BMPR1B: variants seen among roughly 807,000 people sequenced by gnomAD.
BMPR1B encodes the protein bone morphogenetic protein receptor type 1B, also known as bone morphogenetic protein receptor type-1B.
A neutral mutation model predicts 59.1 loss-of-function variants in BMPR1B; 12 were observed. The ratio of observed to expected loss-of-function variants is 0.20; its 90% CI spans 0.13 to 0.33. The LOEUF is 0.33. BMPR1B is among the 10% of genes least tolerant of loss of function. The probability of loss-of-function intolerance (pLI) is 1.00; values close to 1 mark genes in which losing one functional copy is unlikely to be tolerated. For synonymous variants in BMPR1B, 237 were observed against 207.3 expected (o/e 1.14, Z -1.23); for missense variants, 550 against 610.9 (o/e 0.90, Z 1.05).
intron 10 of BMPR1B, among the ~76,000 whole-genome samples, chr4:95,139,431 CTT>C (rs1245157667): frequency 6.6e-6 from 1 of 152,200 alleles, no homozygotes; most frequent in Non-Finnish European, 1.5e-5. Flanking sequence ...AACCACTACT[CTT>C]TTCAAAGCTG....
intron 1 of BMPR1B, among the ~76,000 whole-genome samples, chr4:94,837,575 A>G (rs1233532263): frequency 7.0e-6 from 1 of 143,840 alleles, no homozygotes; most frequent in Non-Finnish European, 1.5e-5. Flanking sequence ...TTGTTGGTGT[A>G]TAAGAATGCT....
chr4:94,926,793 T>G (rs1200905825), intron 2 of BMPR1B, among the ~76,000 whole-genome samples: 1 of 152,094 alleles, frequency 6.6e-6, no homozygotes, highest in African/African-American at 2.4e-5. Context: ...TCAATGGTAT[T>G]CATAGGTGAA....
chr4:94,782,900 A>G (rs1247381162), intron 1 of BMPR1B, among the ~76,000 whole-genome samples: 1 of 152,078 alleles, frequency 6.6e-6, no homozygotes, highest in Non-Finnish European at 1.5e-5. Context: ...TGGACATTTT[A>G]GGCAATATAT....
chr4:94,904,507 T>C (rs549543592), intron 2 of BMPR1B, among the ~76,000 whole-genome samples: 1 of 152,076 alleles, frequency 6.6e-6, no homozygotes, highest in Non-Finnish European at 1.5e-5. Context: ...ATGGCATTGC[T>C]TTTGCAGTAA....
At chr4:94,968,320 T>C (rs577750022) in intron 2 of BMPR1B, among the ~76,000 whole-genome samples, 27 of 150,278 alleles carry the variant, frequency 1.8e-4, no homozygotes, top group African/African-American at 5.9e-4. Context: ...ATTGCTCAGC[T>C]CTGGGATGTG....
At chr4:95,071,622 A>G (rs1306399149) in intron 3 of BMPR1B, among the ~76,000 whole-genome samples, 2 of 130,612 alleles carry the variant, frequency 1.5e-5, no homozygotes, top group East Asian at 2.3e-4. Context: ...TTATGAATAT[A>G]TATGTGTGTT....
At chr4:95,058,608 C>T (rs1052993552) in intron 3 of BMPR1B, among the ~76,000 whole-genome samples, 1 of 152,120 alleles carries the variant, frequency 6.6e-6, no homozygotes, top group Non-Finnish European at 1.5e-5. Context: ...TCAATACAAG[C>T]TATGCCAAGG....
intron 3 of BMPR1B, among the ~76,000 whole-genome samples, chr4:95,026,098 A>ATTTCTTTCTTTTC (rs1724342718): frequency 8.9e-5 from 9 of 101,622 alleles, no homozygotes; most frequent in South Asian, 3.8e-4. Flanking sequence ...GCTTTCTTTC[A>ATTTCTTTCTTTTC]TTTCTTTCTT....
rs147647331 is a variant in BMPR1B at position 94,870,023 on chromosome 4, A to G, written c.-182-5808A>G. On this transcript the variant is annotated intron_variant, in intron 1 of 12. Coordinates refer to ENST00000515059, the MANE Select transcript of BMPR1B (RefSeq NM_001203.3). Reference sequence around the variant, plus strand: ...AATCTGTGTAGTCAGTAGATTTACAAAGTTATATTAGAGAAGAAGTTGCAA... The same window carrying G: ...AATCTGTGTAGTCAGTAGATTTACAGAGTTATATTAGAGAAGAAGTTGCAA... 3.6e-3 allele frequency among the ~76,000 whole-genome samples: 544 copies of G among 152,320 alleles called. 4 individuals carry two copies. Among genetic ancestry groups the G allele is most frequent in the African/African-American group, 0.013 (523 of 41,576 alleles).
At chr4:94,880,580 C>T (rs1038141092) in intron 2 of BMPR1B, among the ~76,000 whole-genome samples, 1 of 151,824 alleles carries the variant, frequency 6.6e-6, no homozygotes. Flanking sequence ...CTGCCTTGGC[C>T]TCCTGAAGTA....
At position 94,941,837 on chromosome 4, in the gene BMPR1B, T is replaced by C. The variant is rs77731989; in HGVS notation, c.-112-54203T>C. 1.8e-3 allele frequency among the ~76,000 whole-genome samples: 276 copies of C among 152,360 alleles called. 1 individual carries two copies. The highest frequency in any genetic ancestry group is 3.0e-3 in the Non-Finnish European group (205 of 68,028). On this transcript the variant is annotated intron_variant, in intron 2 of 12. Transcript: ENST00000515059. Reference sequence around the variant, plus strand: ...GCTGAGAAGTGTGCAGTGAAAGTTATGTGCAAATTCCCTTGCTTCTGTTGT... The same window carrying C: ...GCTGAGAAGTGTGCAGTGAAAGTTACGTGCAAATTCCCTTGCTTCTGTTGT...
At chr4:94,919,873 C>T (rs1488758771) in intron 2 of BMPR1B, among the ~76,000 whole-genome samples, 1 of 152,148 alleles carries the variant, frequency 6.6e-6, no homozygotes, top group Non-Finnish European at 1.5e-5. Context: ...TTTGTTTCTA[C>T]TCTGGAAAAT....
At chr4:94,892,244 G>A (rs776975449) in intron 2 of BMPR1B, among the ~76,000 whole-genome samples, 1 of 152,056 alleles carries the variant, frequency 6.6e-6, no homozygotes, top group South Asian at 2.1e-4. Flanking sequence ...CCCACAGGGT[G>A]GTTGGTCTGG....
chr4:94,810,977 G>A (rs983747766), intron 1 of BMPR1B, among the ~76,000 whole-genome samples: 5 of 152,124 alleles, frequency 3.3e-5, no homozygotes, highest in African/African-American at 4.8e-5. Context: ...TATAAGTTAC[G>A]ACGTTTATTT....
At position 94,969,815 on chromosome 4, in the gene BMPR1B, G is replaced by A. The variant is rs1414559075; in HGVS notation, c.-112-26225G>A. The stretch of plus-strand genomic sequence containing the variant: ...TTAGTTCTGATAGCAGTGTCTGGCA[G>A]ATGGTATTTGCCTAAGAAGTATTTG... On this transcript the variant is annotated intron_variant, in intron 2 of 12. Transcript: ENST00000515059. Among the ~76,000 whole-genome samples, 7 of 152,318 alleles carry A rather than the reference G, an allele frequency of 4.6e-5. No individual in the cohort carries two copies. The South Asian group carries it at 8.3e-4, about 18-fold the overall frequency.
chr4:95,120,128 TC>T (rs1732366870), intron 6 of BMPR1B, among the ~76,000 whole-genome samples: 1 of 152,212 alleles, frequency 6.6e-6, no homozygotes, highest in Non-Finnish European at 1.5e-5. Context: ...TATTTAGTTT[TC>T]TGTTCCTTCA....
rs1735353126 is a variant in BMPR1B, at chr4:95,155,475, C to CTGTTT, written c.*803_*804insGTTTT. On this transcript the variant is annotated 3_prime_UTR_variant, in exon 13 of 13. Transcript: ENST00000515059. ...CCCTTTTCATTAAACACAAAGAAAG[C>CTGTTT]TTTTTTTTTTTTTTTTTTTTTTTTT... is the stretch of plus-strand genomic sequence containing the variant. 1.6e-5 allele frequency: 1 copy of CTGTTT among 64,298 alleles called. No homozygotes were observed. Among genetic ancestry groups the CTGTTT allele is most frequent in the Non-Finnish European group, 2.7e-5 (1 of 37,218 alleles). The allele number at this position is 64,298 out of a possible 1,614,324, so 4.0% of individuals were successfully genotyped here.
At chr4:95,002,507 T>C (rs1278360168) in intron 3 of BMPR1B, among the ~76,000 whole-genome samples, 1 of 152,234 alleles carries the variant, frequency 6.6e-6, no homozygotes, top group Non-Finnish European at 1.5e-5. Context: ...TGGGATTCAC[T>C]GGGTCGAATG....
In BMPR1B at chr4:95,156,753, A is replaced by G. The variant is rs1315370302; in HGVS notation, c.*2080A>G. 2 of 152,132 alleles carry G rather than the reference A, an allele frequency of 1.3e-5. No homozygotes were observed. Among genetic ancestry groups the G allele is most frequent in the Admixed American group, 6.5e-5 (1 of 15,268 alleles). The allele number at this position is 152,132 out of a possible 1,614,324, so 9.4% of individuals were successfully genotyped here. On this transcript the variant is annotated 3_prime_UTR_variant, in exon 13 of 13. Coordinates refer to ENST00000515059, the MANE Select transcript of BMPR1B (RefSeq NM_001203.3). Reference sequence around the variant, plus strand: ...TCAATTGATATTAAAAATAACCTCAATAATAATGTAAAGGTTCCTTTCTCT... The same window carrying G: ...TCAATTGATATTAAAAATAACCTCAGTAATAATGTAAAGGTTCCTTTCTCT...
Sources: allele counts gnomAD v4.1 joint callset (sites outside exome capture counted in the v4.1 genomes callset), GRCh38; gene constraint gnomAD v4.1.1; transcripts MANE v1.5; gene names NCBI Gene and HGNC (gene_info 2026-07-23, HGNC 2026-07-21).